The following ARID1A variants were observed in gnomAD, a reference collection of about 807,000 sequenced individuals.
ARID1A encodes AT-rich interaction domain 1A.
In ARID1A, 20 loss-of-function variants were observed where a neutral mutation model predicts 212.6. The observed-to-expected ratio is 0.09, with a 90% CI of 0.07 to 0.14. ARID1A has a LOEUF of 0.14. Ranked by LOEUF, ARID1A falls within the 10% of genes least tolerant of loss-of-function variation. The pLI is 1.00. For synonymous variants in ARID1A, 1,376 were observed against 1,222.1 expected, an observed-to-expected ratio of 1.13 and a Z score of -2.63; for missense variants, 2,587 against 3,059.0, an observed-to-expected ratio of 0.85 and a Z score of 3.64.
chr1:26,763,168 T>C lies in ARID1A; in HGVS notation c.2615T>C (p.Met872Thr), dbSNP rs140568310. Reference sequence around the variant, plus strand: ...GGCAACCGGCCTTATGGCCCTAACATGGCCAATATGCCACCTCAGGTTGGG... The same window carrying C: ...GGCAACCGGCCTTATGGCCCTAACACGGCCAATATGCCACCTCAGGTTGGG... Reference protein sequence around the residue: ...SMGNRPYGPNMANMPPQVGSG... With the variant: ...SMGNRPYGPNTANMPPQVGSG... The change falls in exon 8 of 20, where the codon ATG becomes ACG. Residue 872 changes from methionine to threonine, a missense_variant. By Grantham distance (81) the Met-to-Thr change is moderately conservative. Coordinates refer to ENST00000324856, the MANE Select transcript of ARID1A (RefSeq NM_006015.6). The C allele has an allele frequency of 8.9e-5, 143 of 1,614,236 alleles. No individual in the cohort carries two copies. The highest frequency in any genetic ancestry group is 1.7e-4 in the Admixed American group (10 of 60,032).
At chr1:26,760,503 C>T (rs1243339359) in intron 4 of ARID1A, among the ~76,000 whole-genome samples, 1 of 151,930 alleles carries the variant, frequency 6.6e-6, no homozygotes, top group Non-Finnish European at 1.5e-5. Flanking sequence ...GCCTGACCAA[C>T]ATGGAGAAAA....
intron 10 of ARID1A, 131 bp from the exon 11 acceptor site, chr1:26,767,659 G>A: frequency 1.1e-6 from 1 of 931,536 alleles, no homozygotes; most frequent in Non-Finnish European, 1.6e-6. Context: ...ACCTTATGAA[G>A]GTAGGACAGG....
rs200341895 is a variant in ARID1A at position 26,772,610 on chromosome 1, A to T, written c.3517A>T (p.Ile1173Phe). ...PTPASTPHSQIPPLPGMSRSN... is the reference protein window; with the variant it reads ...PTPASTPHSQFPPLPGMSRSN... ...TCCAGCATCCACACCACACAGTCAGATCCCCCCATTGCCAGGCATGAGGTA... is the reference window on the plus strand; with the variant it reads ...TCCAGCATCCACACCACACAGTCAGTTCCCCCCATTGCCAGGCATGAGGTA... The change falls in exon 13 of 20, where the codon ATC (isoleucine) becomes TTC (phenylalanine). Residue 1173 changes from isoleucine to phenylalanine, a missense_variant. By Grantham distance (21) the Ile-to-Phe change is conservative (BLOSUM62 0). This residue lies in a region of ARID1A where 890 missense variants were observed against 1,098.2 expected (regional missense o/e 0.81). Transcript: ENST00000324856. The T allele has an allele frequency of 2.2e-5, 35 of 1,614,170 alleles. No individual in the cohort carries two copies. Among genetic ancestry groups the T allele is most frequent in the Non-Finnish European group, 2.9e-5 (34 of 1,180,026 alleles).
intron 1 of ARID1A, among the ~76,000 whole-genome samples, chr1:26,705,403 G>A (rs1444817164): frequency 6.6e-6 from 1 of 150,962 alleles, no homozygotes; most frequent in East Asian, 1.9e-4. Context: ...GCCTTCCAAA[G>A]TGCTGGAATT....
intron 4 of ARID1A, among the ~76,000 whole-genome samples, chr1:26,755,281 T>G (rs1280346550): frequency 6.6e-6 from 1 of 152,204 alleles, no homozygotes; most frequent in African/African-American, 2.4e-5. Flanking sequence ...CTCTTAAAAT[T>G]ATTTGAAACC....
chr1:26,708,193 C>G (rs1185130668), intron 1 of ARID1A, among the ~76,000 whole-genome samples: 1 of 150,188 alleles, frequency 6.7e-6, no homozygotes, highest in African/African-American at 2.5e-5. Flanking sequence ...CCTCTGGTCC[C>G]CGGTCCTCTC....
chr1:26,779,540 A>G lies in ARID1A; in HGVS notation c.5642A>G (p.His1881Arg), dbSNP rs376401187. The G allele has an allele frequency of 4.3e-6, 7 of 1,614,014 alleles. No homozygotes were observed. The highest frequency in any genetic ancestry group is 1.7e-5 in the Admixed American group (1 of 59,994). The part of the protein sequence containing the change: ...HAPCPPAPRK[H>R]VTTAEGTPGT... Reference sequence around the variant, plus strand: ...CCCTGCCCACCAGCCCCTCGGAAGCATGTGACAACAGCAGAGGGTACACCA... The same window carrying G: ...CCCTGCCCACCAGCCCCTCGGAAGCGTGTGACAACAGCAGAGGGTACACCA... The change falls in exon 20 of 20, where the codon CAT becomes CGT. Residue 1881 changes from histidine (H) to arginine (R), a missense_variant. By Grantham distance (29) the His-to-Arg change is conservative. Around this residue, in one of 11 missense-constraint regions of ARID1A, gnomAD observed 890 missense variants for 1,098.2 expected, o/e 0.81. Transcript: ENST00000324856.
intron 1 of ARID1A, among the ~76,000 whole-genome samples, chr1:26,700,939 C>T (rs1255035966): frequency 6.6e-6 from 1 of 152,162 alleles, no homozygotes; most frequent in Non-Finnish European, 1.5e-5. Flanking sequence ...AGAAAGCAGC[C>T]AGGACCAGGT....
intron 10 of ARID1A, among the ~76,000 whole-genome samples, chr1:26,767,368 A>G (rs999956977): frequency 1.3e-5 from 2 of 152,240 alleles, no homozygotes; most frequent in South Asian, 2.1e-4. Flanking sequence ...TCTCTAAAAC[A>G]TAGTACCTAA....
chr1:26,743,909 T>C lies in ARID1A; in HGVS notation c.1920+11117T>C, dbSNP rs189876658. Among the ~76,000 whole-genome samples the C allele has an allele frequency of 5.3e-5, 8 of 152,268 alleles. No homozygotes were observed. In the East Asian group the frequency reaches 1.2e-3, roughly 22 times the overall value. ...CAGTCCTTATCTAGGTTTTTGATGG[T>C]TGATTTTCAAAAAGATAACAGAAAT... On this transcript the variant is annotated intron_variant, in intron 4 of 19. Transcript: ENST00000324856.
intron 1 of ARID1A, among the ~76,000 whole-genome samples, chr1:26,724,957 TGAG>T (rs1450527080): frequency 2.6e-5 from 4 of 152,184 alleles, no homozygotes; most frequent in African/African-American, 2.4e-5. Flanking sequence ...TAGATGGAGA[TGAG>T]GAGTTTTCTT....
rs2080620034 is a variant in ARID1A at position 26,726,428 on chromosome 1, G to A, written c.1138-3223G>A. ...GGCCTCAAGTGATCCACCTGCCTTGGCCTCCCAAAGTGCTGGGATTACAGG... is the reference window on the plus strand; with the variant it reads ...GGCCTCAAGTGATCCACCTGCCTTGACCTCCCAAAGTGCTGGGATTACAGG... On this transcript the variant is annotated intron_variant, in intron 1 of 19. Coordinates refer to ENST00000324856, the MANE Select transcript of ARID1A (RefSeq NM_006015.6). Among the ~76,000 whole-genome samples, 2 of 150,964 alleles carry A rather than the reference G, an allele frequency of 1.3e-5. 1 individual carries two copies. The highest frequency in any genetic ancestry group is 1.3e-4 in the Admixed American group (2 of 15,194).
intron 4 of ARID1A, among the ~76,000 whole-genome samples, chr1:26,734,343 CTTTTTT>C (rs55976597): frequency 2.5e-5 from 3 of 121,466 alleles, no homozygotes; most frequent in Admixed American, 8.3e-5. Context: ...TATTTGGCTT[CTTTTTT>C]TTTTTTTTTT....
chr1:26,775,200 G>A lies in ARID1A; in HGVS notation c.4973G>A (p.Arg1658Gln), dbSNP rs1035870857. ...CAGCCTGTGTTGAAGCAGAGGAGGC[G>A]GCTCACAATGAAAGACATTGGTAAG... ...ATQPVLKQRR[R>Q]LTMKDIGTPE... The change falls in exon 18 of 20, where the codon CGG (arginine) becomes CAG (glutamine). Residue 1658 changes from arginine (R) to glutamine (Q), a missense_variant. Arg to Gln is a conservative substitution (Grantham distance 43, BLOSUM62 1). Coordinates refer to ENST00000324856, the MANE Select transcript of ARID1A (RefSeq NM_006015.6). The A allele has an allele frequency of 4.4e-6, 7 of 1,593,544 alleles. No homozygotes were observed. Among genetic ancestry groups the A allele is most frequent in the African/African-American group, 2.7e-5 (2 of 73,808 alleles).
chr1:26,731,957 AAC>A (rs2080683026), intron 3 of ARID1A, among the ~76,000 whole-genome samples: 1 of 152,066 alleles, frequency 6.6e-6, no homozygotes, highest in South Asian at 2.1e-4. Context: ...CTTTTTTCAA[AAC>A]AGTCACTTTG....
intron 1 of ARID1A, among the ~76,000 whole-genome samples, chr1:26,718,236 A>AAGTGCTGGGATTACAGGCGG (rs2080522867): frequency 6.6e-6 from 1 of 152,146 alleles, no homozygotes; most frequent in Non-Finnish European, 1.5e-5. Flanking sequence ...CCGCCTCCCA[A>AAGTGCTGGGATTACAGGCGG]AGTGCTGGGA....
At chr1:26,772,206 G>C in intron 12 of ARID1A, 1 of 411,478 alleles carries the variant, frequency 2.4e-6, no homozygotes, top group Non-Finnish European at 4.5e-6. Flanking sequence ...CTTTGGCGGA[G>C]TGAAGAGAAA....
rs2080271442 is a variant in ARID1A at position 26,696,993 on chromosome 1, G to T, written c.590G>T (p.Gly197Val). The change falls in exon 1 of 20, where the codon GGG (glycine) becomes GTG (valine). Residue 197 changes from glycine to valine, a missense_variant. Physicochemically the swap from Gly to Val is moderately radical, Grantham distance 109. Transcript: ENST00000324856. Reference protein sequence around the residue: ...GGGGGLEPYAGPQQNSHDHGF... With the variant: ...GGGGGLEPYAVPQQNSHDHGF... Reference sequence around the variant, plus strand: ...GGCGGGGGCCTGGAGCCCTACGCGGGGCCCCAGCAGAACTCTCACGACCAC... The same window carrying T: ...GGCGGGGGCCTGGAGCCCTACGCGGTGCCCCAGCAGAACTCTCACGACCAC... 1.3e-6 allele frequency: 2 copies of T among 1,514,812 alleles called. No homozygotes were observed. The highest frequency in any genetic ancestry group is 1.8e-6 in the Non-Finnish European group (2 of 1,135,042). The allele number at this position is 1,514,812 out of a possible 1,614,324, so 93.8% of individuals were successfully genotyped here.
intron 1 of ARID1A, among the ~76,000 whole-genome samples, chr1:26,711,342 C>CA (rs1220989036): frequency 6.6e-6 from 1 of 152,056 alleles, no homozygotes; most frequent in Non-Finnish European, 1.5e-5. Context: ...ATGCAAGTCT[C>CA]AAACTCCTGA....
Sources: gnomAD v4.1 joint callset for allele counts (sites outside exome capture counted in the v4.1 genomes callset) on GRCh38, gnomAD v4.1.1 for gene constraint, gnomAD v4.1.1 regional missense constraint, MANE v1.5 for transcripts, NCBI Gene and HGNC (gene_info 2026-07-23, HGNC 2026-07-21) for gene names.